DOCK10: variants seen among roughly 807,000 people sequenced by gnomAD.
The protein encoded by DOCK10 is dedicator of cytokinesis protein 10.
Under a neutral mutation model 280.1 loss-of-function variants are expected in DOCK10, and 145 were observed. The observed-to-expected ratio is 0.52, with a 90% confidence interval of 0.45 to 0.59. The LOEUF (loss-of-function observed/expected upper bound fraction) is 0.59, where lower values mean the gene tolerates loss of function less well. Ranked by LOEUF, DOCK10 falls within the 20% of genes least tolerant of loss-of-function variation. The pLI, the probability that DOCK10 is intolerant of heterozygous loss-of-function variation, is 0.00. For missense variants in DOCK10, 2,368 were observed against 2,651.7 expected, an observed-to-expected ratio of 0.89 and a Z score of 2.35; for synonymous variants, 915 against 942.2, an observed-to-expected ratio of 0.97 and a Z score of 0.53.
intron 48 of DOCK10, among the ~76,000 whole-genome samples, 182 bp from the exon 49 acceptor site, chr2:224,787,579 C>T (rs567200360): frequency 4.1e-4 from 62 of 152,286 alleles, no homozygotes; most frequent in African/African-American, 1.3e-3. Context: ...TTACCTAATT[C>T]GTGCCCCAAA....
intron 1 of DOCK10, among the ~76,000 whole-genome samples, chr2:224,954,035 G>T (rs1414536939): frequency 6.6e-6 from 1 of 152,110 alleles, no homozygotes; most frequent in Non-Finnish European, 1.5e-5. Flanking sequence ...TATCTTGATT[G>T]CATTAAAATA....
At chr2:224,867,822 G>T (rs1698028649) in intron 11 of DOCK10, among the ~76,000 whole-genome samples, 1 of 152,204 alleles carries the variant, frequency 6.6e-6, no homozygotes, top group African/African-American at 2.4e-5. Context: ...TGGTTGATTG[G>T]AGAAAATGTT....
At chr2:225,006,096 A>G (rs2126291348) in intron 1 of DOCK10, among the ~76,000 whole-genome samples, 1 of 152,342 alleles carries the variant, frequency 6.6e-6, no homozygotes, top group African/African-American at 2.4e-5. Context: ...TTCTAGGCAG[A>G]GCAAACACAT....
rs747682625 is a variant in DOCK10 at position 224,961,402 on chromosome 2, TTCTTTCTTTC to T, written c.124-29744_124-29735del. Among the ~76,000 whole-genome samples, 393 of 121,448 alleles carry T rather than the reference TTCTTTCTTTC, an allele frequency of 3.2e-3. 4 individuals are homozygous for T. The highest frequency in any genetic ancestry group is 7.3e-3 in the African/African-American group (229 of 31,270). The allele number at this position is 121,448 out of a possible 152,430, so 79.7% of individuals were successfully genotyped here. On this transcript the variant is annotated intron_variant, in intron 1 of 55. Coordinates refer to ENST00000258390, the MANE Select transcript of DOCK10 (RefSeq NM_014689.3). ...TTATTTTTGCATAGCAGCATTTTCT[TTCTTTCTTTC>T]TCTTTCTTTCTTTCTTTCTTTCTTT...
chr2:224,796,874 C>T (rs878967958), intron 43 of DOCK10, 90 bp downstream of exon 43: 26 of 1,215,130 alleles, frequency 2.1e-5, no homozygotes, highest in Middle Eastern at 2.0e-4. Flanking sequence ...GAGTTAGTGA[C>T]GGCTTGCCCT....
intron 2 of DOCK10, among the ~76,000 whole-genome samples, chr2:224,921,112 A>AAAAAAATATATAT: frequency 1.5e-4 from 8 of 54,414 alleles, no homozygotes; most frequent in African/African-American, 7.8e-4. Flanking sequence ...AAAAAAAAAA[A>AAAAAAATATATAT]ATATATATAT....
chr2:225,033,348 A>G lies in DOCK10; in HGVS notation c.123+8904T>C, dbSNP rs534966009. On this transcript the variant is annotated intron_variant, in intron 1 of 55. Coordinates refer to ENST00000258390, the MANE Select transcript of DOCK10 (RefSeq NM_014689.3). ...CAGGTGCATGCCACCACGCCCGGCTAATTTTTGTAATTTTAGTAGAGATGG... is the reference window on the plus strand; with the variant it reads ...CAGGTGCATGCCACCACGCCCGGCTGATTTTTGTAATTTTAGTAGAGATGG... Among the ~76,000 whole-genome samples, 554 of 152,092 alleles carry G rather than the reference A, an allele frequency of 3.6e-3. 6 individuals are homozygous for G. Among genetic ancestry groups the G allele is most frequent in the African/African-American group, 0.013 (524 of 41,466 alleles).
At chr2:224,917,101 C>CTTTTGTTTT (rs1701375461) in intron 2 of DOCK10, among the ~76,000 whole-genome samples, 1 of 95,774 alleles carries the variant, frequency 1.0e-5, no homozygotes, top group Non-Finnish European at 1.9e-5. Flanking sequence ...CTATTGGAAT[C>CTTTTGTTTT]TTTTTTTTTT....
At chr2:224,979,053 C>T (rs1046757703) in intron 1 of DOCK10, among the ~76,000 whole-genome samples, 4 of 152,208 alleles carry the variant, frequency 2.6e-5, no homozygotes, top group African/African-American at 4.8e-5. Flanking sequence ...CAACAACTAC[C>T]ATCCAGGTCT....
intron 28 of DOCK10, among the ~76,000 whole-genome samples, chr2:224,822,672 C>T (rs1417824777): frequency 6.6e-6 from 1 of 152,004 alleles, no homozygotes; most frequent in East Asian, 1.9e-4. Context: ...GTGATCATGC[C>T]AGTGTGCTCC....
chr2:224,879,928 G>A (rs1346178133), intron 7 of DOCK10, among the ~76,000 whole-genome samples: 1 of 152,100 alleles, frequency 6.6e-6, no homozygotes, highest in Non-Finnish European at 1.5e-5. Flanking sequence ...AAGAATTTGA[G>A]TGATGAATTT....
intron 19 of DOCK10, among the ~76,000 whole-genome samples, chr2:224,846,307 A>G (rs1696347797): frequency 6.6e-6 from 1 of 152,238 alleles, no homozygotes. Flanking sequence ...ACTGTCATTA[A>G]GGGACACGAA....
chr2:224,941,389 C>G (rs1169722804), intron 1 of DOCK10, among the ~76,000 whole-genome samples: 1 of 152,086 alleles, frequency 6.6e-6, no homozygotes, highest in East Asian at 1.9e-4. Flanking sequence ...TTCTTCACTC[C>G]CTGTTGGGAG....
At position 224,786,919 on chromosome 2, in the gene DOCK10, A is replaced by C. The variant is rs1574819183; in HGVS notation, c.5655+103T>G. Reference sequence around the variant, plus strand: ...CTCAAGTATAGTCAGACACACCCACACCTCTCCATTCACTGGTACACACAG... The same window carrying C: ...CTCAAGTATAGTCAGACACACCCACCCCTCTCCATTCACTGGTACACACAG... On this transcript the variant is annotated intron_variant, in intron 50 of 55. Coordinates refer to ENST00000258390, the MANE Select transcript of DOCK10 (RefSeq NM_014689.3). This position sits in a 1 kb window ranked among gnomAD's most constrained non-coding sequence, Gnocchi z 4.7. The C allele has an allele frequency of 1.2e-6, 1 of 837,324 alleles. No individual in the cohort carries two copies. Among genetic ancestry groups the C allele is most frequent in the Non-Finnish European group, 2.1e-6 (1 of 486,838 alleles). 51.9% of individuals were successfully genotyped at this position (837,324 alleles called of 1,614,324 possible).
chr2:224,829,389 G>T (rs559688806), intron 27 of DOCK10, among the ~76,000 whole-genome samples: 2 of 152,176 alleles, frequency 1.3e-5, no homozygotes, highest in African/African-American at 2.4e-5. Flanking sequence ...GTATCCTAGT[G>T]GGGGAGGCCA....
intron 1 of DOCK10, among the ~76,000 whole-genome samples, chr2:225,017,912 A>G (rs1689661512): frequency 6.6e-6 from 1 of 152,084 alleles, no homozygotes; most frequent in African/African-American, 2.4e-5. Flanking sequence ...TCTGTTCTTC[A>G]TTATCCCTGC....
chr2:224,954,445 C>A (rs553998222), intron 1 of DOCK10, among the ~76,000 whole-genome samples: 1 of 152,208 alleles, frequency 6.6e-6, no homozygotes, highest in South Asian at 2.1e-4. Flanking sequence ...TAGTTAATCA[C>A]CCTTTTTGAA....
At chr2:224,887,441 C>T (rs542275925) in intron 4 of DOCK10, among the ~76,000 whole-genome samples, 4 of 152,082 alleles carry the variant, frequency 2.6e-5, no homozygotes, top group African/African-American at 7.2e-5. Context: ...GCAACATCTC[C>T]GACCAGCTCA....
At chr2:225,018,278 G>A (rs1400920786) in intron 1 of DOCK10, among the ~76,000 whole-genome samples, 1 of 151,816 alleles carries the variant, frequency 6.6e-6, no homozygotes, top group Non-Finnish European at 1.5e-5. Context: ...TTAACAGTTT[G>A]AAGGGAGAAA....
Sources: allele counts gnomAD v4.1 joint callset (sites outside exome capture counted in the v4.1 genomes callset), GRCh38; gene constraint gnomAD v4.1.1; non-coding constraint Gnocchi (gnomAD v3.1); transcripts MANE v1.5; gene names NCBI Gene and HGNC (gene_info 2026-07-23, HGNC 2026-07-21).